NDUFAF2: variants seen among roughly 807,000 people sequenced by gnomAD.
NDUFAF2 encodes the protein NADH dehydrogenase [ubiquinone] 1 alpha subcomplex assembly factor 2.
NDUFAF2 carries 13 observed loss-of-function variants against 22.8 expected under a neutral mutation model. The ratio of observed to expected loss-of-function variants is 0.57; its 90% CI spans 0.37 to 0.91. NDUFAF2 has a LOEUF of 0.91. Among genes scored for constraint, NDUFAF2 ranks in the 40% least tolerant of loss-of-function variants. The pLI, the probability that NDUFAF2 is intolerant of heterozygous loss-of-function variation, is 0.01. For synonymous variants in NDUFAF2, 53 were observed against 64.2 expected (o/e 0.83, Z 0.84); for missense variants, 162 against 195.2 (o/e 0.83, Z 1.01).
At chr5:60,979,355 C>T (rs1750945551) in intron 1 of NDUFAF2, among the ~76,000 whole-genome samples, 1 of 152,124 alleles carries the variant, frequency 6.6e-6, no homozygotes, top group African/African-American at 2.4e-5. Context: ...TAAGTGGGCT[C>T]ATGGGGCCCC....
chr5:61,018,941 T>C (rs1751545064), intron 1 of NDUFAF2, among the ~76,000 whole-genome samples: 4 of 152,108 alleles, frequency 2.6e-5, no homozygotes, highest in Admixed American at 2.6e-4. Context: ...CCAAATAAAA[T>C]ATCAATATGC....
chr5:60,972,373 C>T (rs75080169), intron 1 of NDUFAF2, among the ~76,000 whole-genome samples: 3,652 of 152,050 alleles, frequency 0.024, 62 homozygotes, highest in Non-Finnish European at 0.037. Context: ...AGTTGAATCA[C>T]GGGGGTGGTT....
intron 1 of NDUFAF2, among the ~76,000 whole-genome samples, chr5:60,961,737 G>A (rs1750689020): frequency 6.8e-6 from 1 of 147,842 alleles, no homozygotes; most frequent in African/African-American, 2.5e-5. Context: ...CCACACTCTA[G>A]CCTGGGCAAC....
chr5:61,034,398 G>A (rs1023797885), intron 1 of NDUFAF2, among the ~76,000 whole-genome samples: 3 of 152,118 alleles, frequency 2.0e-5, no homozygotes, highest in Non-Finnish European at 4.4e-5. Flanking sequence ...CCTGTACAAC[G>A]TGATACTGTA....
intron 2 of NDUFAF2, among the ~76,000 whole-genome samples, chr5:61,074,760 CAAAAA>C (rs745629801): frequency 5.3e-5 from 8 of 151,548 alleles, no homozygotes; most frequent in Non-Finnish European, 1.0e-4. Context: ...AACTCCGTCT[CAAAAA>C]AGAAAAGAAA....
chr5:61,021,279 T>G (rs1751580475), intron 1 of NDUFAF2, among the ~76,000 whole-genome samples: 1 of 152,110 alleles, frequency 6.6e-6, no homozygotes, highest in African/African-American at 2.4e-5. Context: ...AATCTGTTTT[T>G]TTCCCCTGTT....
chr5:61,099,566 G>A (rs981623885), intron 3 of NDUFAF2, among the ~76,000 whole-genome samples: 2 of 151,194 alleles, frequency 1.3e-5, no homozygotes, highest in African/African-American at 4.8e-5. Flanking sequence ...TAAAAAATTT[G>A]TAGTCAGTGA....
At chr5:61,033,744 A>G (rs1168792881) in intron 1 of NDUFAF2, among the ~76,000 whole-genome samples, 1 of 152,108 alleles carries the variant, frequency 6.6e-6, no homozygotes, top group Non-Finnish European at 1.5e-5. Flanking sequence ...TAGAAGTCCG[A>G]ACAGGGATAA....
At chr5:61,061,913 C>G (rs1377205403) in intron 1 of NDUFAF2, among the ~76,000 whole-genome samples, 1 of 152,178 alleles carries the variant, frequency 6.6e-6, no homozygotes, top group African/African-American at 2.4e-5. Context: ...CTCCTGAAGC[C>G]TAGACCAGGG....
At chr5:61,036,035 C>T (rs1751796453) in intron 1 of NDUFAF2, among the ~76,000 whole-genome samples, 1 of 152,144 alleles carries the variant, frequency 6.6e-6, no homozygotes, top group South Asian at 2.1e-4. Context: ...GAGTAGATCT[C>T]ATTTATCTTA....
chr5:61,035,070 ATTTT>A (rs34608613), intron 1 of NDUFAF2, among the ~76,000 whole-genome samples: 1 of 142,924 alleles, frequency 7.0e-6, no homozygotes. Flanking sequence ...AAGATAGTGT[ATTTT>A]TTTTTTTTTT....
At chr5:61,013,702 C>CTTT (rs10628072) in intron 1 of NDUFAF2, among the ~76,000 whole-genome samples, 6 of 145,360 alleles carry the variant, frequency 4.1e-5, no homozygotes, top group African/African-American at 1.3e-4. Context: ...ACTTTATCTC[C>CTTT]TTTTTTTTTT....
intron 1 of NDUFAF2, among the ~76,000 whole-genome samples, chr5:61,059,767 G>C (rs1213397806): frequency 6.6e-6 from 1 of 151,990 alleles, no homozygotes; most frequent in Non-Finnish European, 1.5e-5. Context: ...TTATCTGTAA[G>C]ACTTCTATAA....
At chr5:60,976,738 T>G (rs1311236405) in intron 1 of NDUFAF2, among the ~76,000 whole-genome samples, 1 of 152,262 alleles carries the variant, frequency 6.6e-6, no homozygotes, top group African/African-American at 2.4e-5. Context: ...CCTCCTCTTG[T>G]GCATTTTAAA....
At chr5:61,012,545 A>T (rs956167942) in intron 1 of NDUFAF2, among the ~76,000 whole-genome samples, 1 of 151,970 alleles carries the variant, frequency 6.6e-6, no homozygotes, top group Non-Finnish European at 1.5e-5. Context: ...ATGATTTTTT[A>T]ATTAGTGTAC....
chr5:61,049,048 A>G (rs1751990807), intron 1 of NDUFAF2, among the ~76,000 whole-genome samples: 1 of 152,152 alleles, frequency 6.6e-6, no homozygotes, highest in Non-Finnish European at 1.5e-5. Flanking sequence ...TCCAAAATTC[A>G]GTATATTATA....
At position 61,024,122 on chromosome 5, in the gene NDUFAF2, C is replaced by T. The variant is rs144023577; in HGVS notation, c.128-49003C>T. On this transcript the variant is annotated intron_variant, in intron 1 of 3. Coordinates refer to ENST00000296597, the MANE Select transcript of NDUFAF2 (RefSeq NM_174889.5). ...CAGGAAGGAAGCCCTTACATATTGG[C>T]TTGGACTATACCATGTTATAAGAAT... Among the ~76,000 whole-genome samples the T allele has an allele frequency of 2.1e-4, 32 of 152,166 alleles. 2 individuals are homozygous for T. The East Asian group carries it at 3.1e-3, about 15-fold the overall frequency.
At chr5:61,002,051 A>T (rs1181115658) in intron 1 of NDUFAF2, among the ~76,000 whole-genome samples, 1 of 152,098 alleles carries the variant, frequency 6.6e-6, no homozygotes, top group African/African-American at 2.4e-5. Flanking sequence ...CTCCATCAAT[A>T]AGCAAGAGAT....
At chr5:60,947,649 C>T in intron 1 of NDUFAF2, among the ~76,000 whole-genome samples, 1 of 151,538 alleles carries the variant, frequency 6.6e-6, no homozygotes. Context: ...GCCTGTAATC[C>T]CAGCTAGTCG....
Sources: allele counts gnomAD v4.1 joint callset (sites outside exome capture counted in the v4.1 genomes callset), GRCh38; gene constraint gnomAD v4.1.1; transcripts MANE v1.5; gene names NCBI Gene and HGNC (gene_info 2026-07-23, HGNC 2026-07-21).